DNAJB5: variants seen among roughly 807,000 people sequenced by gnomAD.
DNAJB5 encodes the protein dnaJ homolog subfamily B member 5.
DNAJB5 carries 12 observed loss-of-function variants against 32.6 expected under a neutral mutation model. The ratio of observed to expected loss-of-function variants is 0.37; its 90% CI spans 0.24 to 0.60. The LOEUF is 0.60. Among genes scored for constraint, DNAJB5 ranks in the 20% least tolerant of loss-of-function variants. DNAJB5 has a pLI of 0.71. For synonymous variants in DNAJB5, 188 were observed against 212.9 expected (o/e 0.88, Z 1.02); for missense variants, 358 against 554.2 (o/e 0.65, Z 3.55).
chr9:34,996,590 G>A lies in DNAJB5; in HGVS notation c.753G>A (p.Leu251=), dbSNP rs771420920. ...TGGTGCACGAGCTGCGGGTGTCCCTGGAGGAGATCTACCATGGCTCCACCA... is the reference window on the plus strand; with the variant it reads ...TGGTGCACGAGCTGCGGGTGTCCCTAGAGGAGATCTACCATGGCTCCACCA... ...PPVVHELRVS[L]EEIYHGSTKR... The change falls in exon 4 of 5, where the codon CTG becomes CTA. Residue 251 remains leucine, a synonymous_variant. Transcript: ENST00000682809. The surrounding 1 kb of genome is among the most constrained non-coding windows in gnomAD (Gnocchi z 7.2). 26 of 1,613,904 alleles carry A rather than the reference G, an allele frequency of 1.6e-5. No homozygotes were observed. The highest frequency in any genetic ancestry group is 2.2e-5 in the Non-Finnish European group (26 of 1,180,008).
Position 34,997,309 on chromosome 9 carries a change from C to CAA in DNAJB5, c.*51_*52insAA. On this transcript the variant is annotated 3_prime_UTR_variant, in exon 5 of 5. Transcript: ENST00000682809. The surrounding 1 kb of genome is among the most constrained non-coding windows in gnomAD (Gnocchi z 4.1). The stretch of plus-strand genomic sequence containing the variant: ...CTACCACAGCAATACCCCCAACACT[C>CAA]ACTCCACTCAATGTGCACCCAGCTT... 6.4e-7 allele frequency: 1 copy of CAA among 1,562,250 alleles called. No homozygotes were observed. Among genetic ancestry groups the CAA allele is most frequent in the Non-Finnish European group, 8.8e-7 (1 of 1,132,932 alleles).
In DNAJB5 at chr9:34,996,339, G is replaced by A. The variant is rs1827793523; in HGVS notation, c.502G>A (p.Ala168Thr). ...FHYTFHGDPH[A>T]TFASFFGGSN... ...CTACACCTTTCATGGGGACCCCCAT[G>A]CCACCTTTGCCTCCTTCTTTGGTGG... Residue 168 changes from alanine to threonine, a missense_variant, in exon 4 of 5, where the codon GCC (alanine) becomes ACC (threonine). Coordinates refer to ENST00000682809, the MANE Select transcript of DNAJB5 (RefSeq NM_001349723.3). The surrounding 1 kb of genome is among the most constrained non-coding windows in gnomAD (Gnocchi z 7.2). 1 of 1,614,010 alleles carries A rather than the reference G, an allele frequency of 6.2e-7. No homozygotes were observed. The highest frequency in any genetic ancestry group is 1.3e-5 in the African/African-American group (1 of 74,900).
chr9:34,997,252 G>T lies in DNAJB5; in HGVS notation c.1256G>T (p.Cys419Phe). 6.2e-7 allele frequency: 1 copy of T among 1,614,076 alleles called. No homozygotes were observed. The highest frequency in any genetic ancestry group is 8.5e-7 in the Non-Finnish European group (1 of 1,180,016). Residue 419 changes from cysteine (C) to phenylalanine (F), a missense_variant, in exon 5 of 5, where the codon TGT (cysteine) becomes TTT (phenylalanine). Around this residue, in one of 2 missense-constraint regions of DNAJB5, gnomAD observed 248 missense variants for 442.6 expected, o/e 0.56. Transcript: ENST00000682809. This position sits in a 1 kb window ranked among gnomAD's most constrained non-coding sequence, Gnocchi z 4.1. ...TRQILKQHLPCS is the reference protein window; with the variant it reads ...TRQILKQHLPFS ...CAGATCCTTAAGCAGCACCTACCCT[G>T]TTCCTAGGCTCTGCCCCAGCCAGTC...
intron 2 of DNAJB5, chr9:34,992,694 G>T: frequency 3.9e-6 from 3 of 762,990 alleles, no homozygotes; most frequent in Non-Finnish European, 4.8e-6. Flanking sequence ...AGTCTGGCTG[G>T]CCAGGACAGC....
intron 2 of DNAJB5, chr9:34,991,078 C>A: frequency 1.9e-6 from 1 of 523,774 alleles, no homozygotes; most frequent in Non-Finnish European, 3.5e-6. Context: ...CCATCATTAA[C>A]CCATTTTCCA....
rs1827787471 is a variant in DNAJB5, at chr9:34,996,196, G to A, written c.428-69G>A. ...TAAGCCTGTGAACTGGGAGCTAGAG[G>A]GCAGGGGGAAGACACTGGGATTGGG... On this transcript the variant is annotated intron_variant, in intron 3 of 4. Coordinates refer to ENST00000682809, the MANE Select transcript of DNAJB5 (RefSeq NM_001349723.3). The surrounding 1 kb of genome is among the most constrained non-coding windows in gnomAD (Gnocchi z 7.2). 1 of 1,546,222 alleles carries A rather than the reference G, an allele frequency of 6.5e-7. No individual in the cohort carries two copies. Among genetic ancestry groups the A allele is most frequent in the Non-Finnish European group, 8.7e-7 (1 of 1,147,696 alleles).
intron 2 of DNAJB5, chr9:34,991,724 AC>A (rs1439259695): frequency 5.4e-6 from 1 of 184,010 alleles, no homozygotes; most frequent in Non-Finnish European, 9.9e-6. Context: ...CCCACCCCCC[AC>A]CCCATCTCCC....
chr9:34,990,169 C>T lies in DNAJB5; in HGVS notation c.-132-330C>T. 2.3e-6 allele frequency: 2 copies of T among 886,260 alleles called. No homozygotes were observed. The highest frequency in any genetic ancestry group is 1.7e-5 in the South Asian group (1 of 57,540). 54.9% of individuals were successfully genotyped at this position (886,260 alleles called of 1,614,324 possible). A position where few individuals can be genotyped will look rare whatever the true frequency, so the allele number is the denominator to read the frequency against. On this transcript the variant is annotated intron_variant, in intron 1 of 4. Transcript: ENST00000682809. The surrounding 1 kb of genome is among the most constrained non-coding windows in gnomAD (Gnocchi z 4.5). ...CCCCGCCCGAGCCCCCTCCCCTCCT[C>T]TCCTCGCCGCGCCTTTTGTCCCGGC...
At chr9:34,992,861 G>A (rs550697150) in intron 2 of DNAJB5, 2 of 1,151,238 alleles carry the variant, frequency 1.7e-6, no homozygotes, top group East Asian at 5.9e-5. Flanking sequence ...GGGTCGCTCA[G>A]TCCATGGTGC....
Position 34,993,122 on chromosome 9 carries a change from T to G in DNAJB5, c.183-78T>G. On this transcript the variant is annotated intron_variant, in intron 2 of 4. Transcript: ENST00000682809. The surrounding 1 kb of genome is among the most constrained non-coding windows in gnomAD (Gnocchi z 4.7). ...TGCTGAAGGTTACCCAGGGAGTCAT[T>G]TAGGGATTGCAAGATCATCAGGAAC... The G allele has an allele frequency of 6.6e-7, 1 of 1,503,898 alleles. No homozygotes were observed. Among genetic ancestry groups the G allele is most frequent in the South Asian group, 1.4e-5 (1 of 73,802 alleles). The allele number at this position is 1,503,898 out of a possible 1,614,324, so 93.2% of individuals were successfully genotyped here. A position where few individuals can be genotyped will look rare whatever the true frequency, so the allele number is the denominator to read the frequency against.
At position 34,997,368 on chromosome 9, in the gene DNAJB5, A is replaced by T; in HGVS notation, c.*109A>T. 4.1e-6 allele frequency: 5 copies of T among 1,232,702 alleles called. No homozygotes were observed. The highest frequency in any genetic ancestry group is 5.9e-6 in the Non-Finnish European group (5 of 845,194). The allele number at this position is 1,232,702 out of a possible 1,614,324, so 76.4% of individuals were successfully genotyped here. On this transcript the variant is annotated 3_prime_UTR_variant, in exon 5 of 5. Coordinates refer to ENST00000682809, the MANE Select transcript of DNAJB5 (RefSeq NM_001349723.3). The surrounding 1 kb of genome is among the most constrained non-coding windows in gnomAD (Gnocchi z 4.1). ...CTGGACACTGGCAACTTTTTCTAAA[A>T]TGCAAAAAAAAGCCACTGGTTTTCA...
In DNAJB5 at chr9:34,990,365, CACAA is replaced by C. The variant is rs1438294996; in HGVS notation, c.-132-130_-132-127del. 3.3e-6 allele frequency: 5 copies of C among 1,507,230 alleles called. No individual in the cohort carries two copies. Among genetic ancestry groups the C allele is most frequent in the African/African-American group, 1.4e-5 (1 of 72,604 alleles). 93.4% of individuals were successfully genotyped at this position (1,507,230 alleles called of 1,614,324 possible). On this transcript the variant is annotated intron_variant, in intron 1 of 4. Coordinates refer to ENST00000682809, the MANE Select transcript of DNAJB5 (RefSeq NM_001349723.3). The surrounding 1 kb of genome is among the most constrained non-coding windows in gnomAD (Gnocchi z 4.5). ...TGTCACAGGTATACACGCTGCCACT[CACAA>C]ACACACGCTTGCACTCCCAGCCTCA...
chr9:34,995,319 C>T (rs1381100617), intron 3 of DNAJB5, among the ~76,000 whole-genome samples: 1 of 152,114 alleles, frequency 6.6e-6, no homozygotes, highest in Non-Finnish European at 1.5e-5. Context: ...CTCTGTATTC[C>T]GGAGCAGTTC....
intron 2 of DNAJB5, chr9:34,991,048 C>T (rs1406723032): frequency 1.8e-5 from 10 of 569,906 alleles, no homozygotes; most frequent in Non-Finnish European, 2.8e-5. Context: ...TTTCAACTCT[C>T]CACATTCCTC....
intron 2 of DNAJB5, chr9:34,991,303 A>G (rs1563948059): frequency 1.1e-5 from 5 of 456,370 alleles, no homozygotes; most frequent in South Asian, 7.7e-5. Flanking sequence ...GCCTGTGGGT[A>G]GGGGGGAAGG....
At chr9:34,994,042 G>A (rs1040487082) in intron 3 of DNAJB5, among the ~76,000 whole-genome samples, 1 of 152,148 alleles carries the variant, frequency 6.6e-6, no homozygotes, top group African/African-American at 2.4e-5. Context: ...TGGCCATGGG[G>A]TGGGAGGCAG....
At chr9:34,992,245 A>C (rs930979700) in intron 2 of DNAJB5, 1 of 152,294 alleles carries the variant, frequency 6.6e-6, no homozygotes, top group Non-Finnish European at 1.5e-5. Context: ...CCACCTTAAA[A>C]GGGACTCAGA....
Position 34,997,219 on chromosome 9 carries a change from A to G in DNAJB5, c.1223A>G (p.Gln408Arg). The G allele has an allele frequency of 6.2e-7, 1 of 1,614,182 alleles. No individual in the cohort carries two copies. Among genetic ancestry groups the G allele is most frequent in the Non-Finnish European group, 8.5e-7 (1 of 1,180,040 alleles). ...KVRFPDRLTP[Q>R]TRQILKQHLP... Reference sequence around the variant, plus strand: ...CGCTTCCCAGACAGATTAACACCACAGACAAGACAGATCCTTAAGCAGCAC... The same window carrying G: ...CGCTTCCCAGACAGATTAACACCACGGACAAGACAGATCCTTAAGCAGCAC... Residue 408 changes from glutamine to arginine, a missense_variant, in exon 5 of 5, where the codon CAG becomes CGG. Coordinates refer to ENST00000682809, the MANE Select transcript of DNAJB5 (RefSeq NM_001349723.3). The surrounding 1 kb of genome is among the most constrained non-coding windows in gnomAD (Gnocchi z 4.1).
Position 34,996,535 on chromosome 9 carries a change from A to G in DNAJB5, c.698A>G (p.Tyr233Cys), listed in dbSNP as rs1827801097. 6.2e-7 allele frequency: 1 copy of G among 1,614,060 alleles called. No homozygotes were observed. Among genetic ancestry groups the G allele is most frequent in the Non-Finnish European group, 8.5e-7 (1 of 1,180,012 alleles). Residue 233 changes from tyrosine to cysteine, a missense_variant, in exon 4 of 5, where the codon TAC becomes TGC. Transcript: ENST00000682809. This position sits in a 1 kb window ranked among gnomAD's most constrained non-coding sequence, Gnocchi z 7.2. The stretch of plus-strand genomic sequence containing the variant: ...CCAAGGCGAGCCCCAGAACCACTGT[A>G]CCCTCGGCGCAAGGTGCAGGACCCC... The part of the protein sequence containing the change: ...RGPRRAPEPL[Y>C]PRRKVQDPPV...
Sources: gnomAD v4.1 joint callset for allele counts (sites outside exome capture counted in the v4.1 genomes callset) on GRCh38, gnomAD v4.1.1 for gene constraint, gnomAD v4.1.1 regional missense constraint, Gnocchi (gnomAD v3.1) non-coding constraint, MANE v1.5 for transcripts, NCBI Gene and HGNC (gene_info 2026-07-23, HGNC 2026-07-21) for gene names.